Variants in CAAP1 observed in about 807,000 individuals in gnomAD.
CAAP1 encodes the protein caspase activity and apoptosis inhibitor 1.
CAAP1 carries 20 observed loss-of-function variants against 34.0 expected under a neutral mutation model. The ratio of observed to expected loss-of-function variants is 0.59; its 90% confidence interval spans 0.41 to 0.86. The LOEUF (loss-of-function observed/expected upper bound fraction) is 0.86. Among genes scored for constraint, CAAP1 ranks in the 40% least tolerant of loss-of-function variants. The pLI is 0.00. For synonymous variants in CAAP1, 213 were observed against 166.7 expected (o/e 1.28, Z -2.14); for missense variants, 538 against 450.5 (o/e 1.19, Z -1.76).
chr9:26,885,214 C>G (rs2131340160), intron 3 of CAAP1, among the ~76,000 whole-genome samples: 1 of 151,486 alleles, frequency 6.6e-6, no homozygotes, highest in South Asian at 2.1e-4. Flanking sequence ...GCAGCTGGGA[C>G]TACAGGCGCC....
intron 3 of CAAP1, 116 bp from the exon 4 acceptor site, chr9:26,885,001 G>T: frequency 1.4e-6 from 1 of 703,772 alleles, no homozygotes; most frequent in Non-Finnish European, 2.4e-6. Flanking sequence ...CTTTATACTG[G>T]GTCAAAACTT....
intron 1 of CAAP1, among the ~76,000 whole-genome samples, chr9:26,891,525 T>A (rs1823902946): frequency 6.6e-6 from 1 of 152,078 alleles, no homozygotes; most frequent in Non-Finnish European, 1.5e-5. Flanking sequence ...CCAACATAAC[T>A]CTTGTAGGAG....
rs1370878226 is a variant in CAAP1, at chr9:26,884,892, A to T, written c.590-7T>A. On this transcript the variant is annotated splice_polypyrimidine_tract_variant and splice_region_variant and intron_variant, in intron 3 of 5. Transcript: ENST00000333916. Reference sequence around the variant, plus strand: ...GAGTCCATTCCATTGTCACCTTATAAATGAAAGAAACTATTGAAAGCACAC... The same window carrying T: ...GAGTCCATTCCATTGTCACCTTATATATGAAAGAAACTATTGAAAGCACAC... 6.3e-7 allele frequency: 1 copy of T among 1,591,122 alleles called. No individual in the cohort carries two copies. Among genetic ancestry groups the T allele is most frequent in the Non-Finnish European group, 8.6e-7 (1 of 1,165,512 alleles).
rs561620576 is a variant in CAAP1 at position 26,865,612 on chromosome 9, T to C, written c.666-4473A>G. On this transcript the variant is annotated intron_variant, in intron 4 of 5. Transcript: ENST00000333916. The stretch of plus-strand genomic sequence containing the variant: ...ATCCCCAATACTCATCAGTATAAAG[T>C]AGAATTTTAGGAACAGTCACTGTTA... 4.7e-4 allele frequency among the ~76,000 whole-genome samples: 72 copies of C among 152,192 alleles called. 2 individuals carry two copies. The highest frequency in any genetic ancestry group is 1.6e-3 in the African/African-American group (68 of 41,444).
chr9:26,849,907 C>T (rs573755563), intron 5 of CAAP1, among the ~76,000 whole-genome samples: 47 of 151,150 alleles, frequency 3.1e-4, no homozygotes, highest in African/African-American at 1.1e-3. Context: ...GGCATGATCT[C>T]GGCTCACTGC....
chr9:26,870,066 G>T (rs1288577941), intron 4 of CAAP1: 3 of 391,578 alleles, frequency 7.7e-6, no homozygotes, highest in East Asian at 1.7e-4. Context: ...TTTTAACGCA[G>T]ATGCAGCTAC....
chr9:26,851,477 C>T (rs1822751080), intron 5 of CAAP1, among the ~76,000 whole-genome samples: 1 of 152,116 alleles, frequency 6.6e-6, no homozygotes, highest in African/African-American at 2.4e-5. Context: ...TCTCTGAAGA[C>T]ATCACCATTC....
chr9:26,891,953 G>C (rs1275552493), intron 1 of CAAP1, among the ~76,000 whole-genome samples: 1 of 152,160 alleles, frequency 6.6e-6, no homozygotes, highest in Non-Finnish European at 1.5e-5. Flanking sequence ...TCAGATATTT[G>C]GATTCAAACC....
chr9:26,866,543 T>C (rs538198621), intron 4 of CAAP1, among the ~76,000 whole-genome samples: 12 of 152,320 alleles, frequency 7.9e-5, no homozygotes, highest in Non-Finnish European at 1.3e-4. Context: ...AATAAGTAAG[T>C]TGTTAAAAAA....
rs755477571 is a variant in CAAP1, at chr9:26,842,459, C to G, written c.928G>C (p.Glu310Gln). ...KSVNEILGLA[E>Q]SSPNEPKAAT... ...GCTTTGGGTTCGTTTGGGCTAGACTCTGCCAGTCCTAGAATCTCATTCACA... is the reference window on the plus strand; with the variant it reads ...GCTTTGGGTTCGTTTGGGCTAGACTGTGCCAGTCCTAGAATCTCATTCACA... The change falls in exon 6 of 6, where the codon GAG becomes CAG. Residue 310 changes from glutamate (E) to glutamine (Q), a missense_variant. Coordinates refer to ENST00000333916, the MANE Select transcript of CAAP1 (RefSeq NM_024828.4). 6.2e-7 allele frequency: 1 copy of G among 1,614,170 alleles called. No individual in the cohort carries two copies. The highest frequency in any genetic ancestry group is 1.1e-5 in the South Asian group (1 of 91,072).
chr9:26,883,350 C>T (rs1175007364), intron 4 of CAAP1, among the ~76,000 whole-genome samples: 2 of 152,178 alleles, frequency 1.3e-5, no homozygotes, highest in African/African-American at 4.8e-5. Flanking sequence ...CCCTCATTCT[C>T]TCTTGCTGCC....
At chr9:26,869,436 C>T (rs547615338) in intron 4 of CAAP1, among the ~76,000 whole-genome samples, 65 of 152,230 alleles carry the variant, frequency 4.3e-4, no homozygotes, top group Admixed American at 1.0e-3. Context: ...GAATAGAGTT[C>T]CATATCATTC....
intron 1 of CAAP1, among the ~76,000 whole-genome samples, chr9:26,890,298 C>A (rs1823868156): frequency 6.6e-6 from 1 of 151,080 alleles, no homozygotes; most frequent in Non-Finnish European, 1.5e-5. Context: ...TTGAACCTGG[C>A]AGGCGGAGGT....
chr9:26,883,917 T>A (rs983505667), intron 4 of CAAP1, among the ~76,000 whole-genome samples: 2 of 152,208 alleles, frequency 1.3e-5, no homozygotes, highest in African/African-American at 4.8e-5. Flanking sequence ...TTCTACTCTA[T>A]GTTTTCATAT....
chr9:26,889,445 T>A (rs1209419153), intron 1 of CAAP1, among the ~76,000 whole-genome samples: 1 of 151,856 alleles, frequency 6.6e-6, no homozygotes, highest in Non-Finnish European at 1.5e-5. Flanking sequence ...AAACAAAAAC[T>A]GACTGTAGTG....
At chr9:26,871,641 A>G (rs958303528) in intron 4 of CAAP1, among the ~76,000 whole-genome samples, 1 of 151,296 alleles carries the variant, frequency 6.6e-6, no homozygotes. Context: ...AAAGTAATGC[A>G]GTCCAGGCAT....
chr9:26,866,832 A>G (rs1823149771), intron 4 of CAAP1, among the ~76,000 whole-genome samples: 1 of 152,172 alleles, frequency 6.6e-6, no homozygotes, highest in Non-Finnish European at 1.5e-5. Context: ...CCAGAAGCCC[A>G]AAATCACTAC....
At chr9:26,862,498 A>G (rs1349561702) in intron 4 of CAAP1, among the ~76,000 whole-genome samples, 2 of 152,152 alleles carry the variant, frequency 1.3e-5, no homozygotes, top group African/African-American at 4.8e-5. Flanking sequence ...GGAAGACACA[A>G]CATCATTTAT....
intron 5 of CAAP1, among the ~76,000 whole-genome samples, chr9:26,847,699 T>C (rs1389229876): frequency 6.6e-6 from 1 of 152,142 alleles, no homozygotes; most frequent in Non-Finnish European, 1.5e-5. Flanking sequence ...GTCCTTTTTT[T>C]GTAGTTTTCC....
Sources: gnomAD v4.1 joint callset for allele counts (sites outside exome capture counted in the v4.1 genomes callset) on GRCh38, gnomAD v4.1.1 for gene constraint, MANE v1.5 for transcripts, NCBI Gene and HGNC (gene_info 2026-07-23, HGNC 2026-07-21) for gene names.